The following FHIT variants were observed in gnomAD, a reference collection of about 807,000 sequenced individuals.
FHIT encodes the protein fragile histidine triad diadenosine triphosphatase.
In FHIT, 19 loss-of-function variants were observed where a neutral mutation model predicts 17.9. The ratio of observed to expected loss-of-function variants is 1.06; its 90% CI spans 0.74 to 1.56. The LOEUF (loss-of-function observed/expected upper bound fraction) is 1.56, where lower values mean the gene tolerates loss of function less well. Among genes scored for constraint, FHIT ranks in the 40% most tolerant of loss-of-function variants. The pLI is 0.00. For synonymous variants in FHIT, 81 were observed against 69.7 expected, an observed-to-expected ratio of 1.16 and a Z score of -0.81; for missense variants, 248 against 189.2, an observed-to-expected ratio of 1.31 and a Z score of -1.82.
intron 5 of FHIT, among the ~76,000 whole-genome samples, chr3:60,377,471 T>G (rs1386325867): frequency 1.0e-5 from 1 of 98,318 alleles, no homozygotes; most frequent in East Asian, 2.7e-4. Context: ...ATTCTTTTTT[T>G]TTTTTTTTTT....
chr3:60,689,318 C>T (rs1184213515), intron 4 of FHIT, among the ~76,000 whole-genome samples: 2 of 151,964 alleles, frequency 1.3e-5, no homozygotes, highest in African/African-American at 4.8e-5. Flanking sequence ...AGGACTAATA[C>T]ACTCAGGAAA....
intron 4 of FHIT, among the ~76,000 whole-genome samples, chr3:60,763,277 T>C (rs1311240354): frequency 6.6e-6 from 1 of 152,154 alleles, no homozygotes; most frequent in Non-Finnish European, 1.5e-5. Context: ...CGACTGTAAG[T>C]CTGTTATGAT....
intron 8 of FHIT, among the ~76,000 whole-genome samples, chr3:59,892,389 A>G (rs1278233034): frequency 2.0e-5 from 3 of 152,226 alleles, no homozygotes; most frequent in Non-Finnish European, 4.4e-5. Flanking sequence ...AATAACCATC[A>G]ACAAAGCATT....
At chr3:60,368,835 T>C (rs1700212107) in intron 5 of FHIT, among the ~76,000 whole-genome samples, 2 of 152,172 alleles carry the variant, frequency 1.3e-5, no homozygotes, top group African/African-American at 2.4e-5. Flanking sequence ...CATCTCAAAA[T>C]AGTTCTTTTT....
Position 60,094,437 on chromosome 3 carries a change from G to A in FHIT, c.104-80285C>T, listed in dbSNP as rs181917492. On this transcript the variant is annotated intron_variant, in intron 5 of 9. Coordinates refer to ENST00000492590, the MANE Select transcript of FHIT (RefSeq NM_002012.4). Reference sequence around the variant, plus strand: ...ACCGGCACCTATTTTTGTATCACCTGGAAAAAAAAAATGCCCACATAGGCA... The same window carrying A: ...ACCGGCACCTATTTTTGTATCACCTAGAAAAAAAAAATGCCCACATAGGCA... Among the ~76,000 whole-genome samples, 41 of 128,502 alleles carry A rather than the reference G, an allele frequency of 3.2e-4. No individual in the cohort carries two copies. The East Asian group carries it at 3.2e-3, about 10-fold the overall frequency. The allele number at this position is 128,502 out of a possible 152,430, so 84.3% of individuals were successfully genotyped here.
rs1427241138 is a variant in FHIT, at chr3:59,963,366, G to A, written c.280-40952C>T. On this transcript the variant is annotated intron_variant, in intron 7 of 9. Transcript: ENST00000492590. The stretch of plus-strand genomic sequence containing the variant: ...ATTGAGTCGAAAACTCATGGCTCAA[G>A]TTCATTTAAAGTCCAAGTCTGAATT... 3.3e-5 allele frequency among the ~76,000 whole-genome samples: 5 copies of A among 152,212 alleles called. No homozygotes were observed. In the East Asian group the frequency reaches 9.6e-4, roughly 29 times the overall value.
intron 5 of FHIT, among the ~76,000 whole-genome samples, chr3:60,449,500 G>T (rs984542064): frequency 6.6e-6 from 1 of 151,936 alleles, no homozygotes; most frequent in African/African-American, 2.4e-5. Flanking sequence ...GAAATGCATT[G>T]TTAGGCTATT....
At position 61,177,771 on chromosome 3, in the gene FHIT, TAGAAAACAGATCAGC is replaced by T. The variant is rs1345672954; in HGVS notation, c.-164+22831_-164+22845del. Among the ~76,000 whole-genome samples, 3 of 152,150 alleles carry T rather than the reference TAGAAAACAGATCAGC, an allele frequency of 2.0e-5. No homozygotes were observed. The South Asian group carries it at 6.2e-4, about 32-fold the overall frequency. ...CAAAACAACCCCGGCCAAAAATTAT[TAGAAAACAGATCAGC>T]AGCCCCACTGGACTCTGAAGCAATG... On this transcript the variant is annotated intron_variant, in intron 2 of 9. Coordinates refer to ENST00000492590, the MANE Select transcript of FHIT (RefSeq NM_002012.4).
intron 3 of FHIT, among the ~76,000 whole-genome samples, chr3:60,950,803 G>A (rs1479963867): frequency 3.3e-5 from 5 of 151,598 alleles, no homozygotes; most frequent in African/African-American, 9.7e-5. Context: ...GATTACAGGC[G>A]TGAGCCACCA....
chr3:60,599,260 T>C (rs576089577), intron 4 of FHIT, among the ~76,000 whole-genome samples: 161 of 152,274 alleles, frequency 1.1e-3, no homozygotes, highest in African/African-American at 3.6e-3. Context: ...CAAACTCATT[T>C]AAAAATATAC....
intron 1 of FHIT, among the ~76,000 whole-genome samples, chr3:61,230,172 G>C (rs1044193014): frequency 3.3e-5 from 5 of 152,194 alleles, no homozygotes; most frequent in African/African-American, 1.2e-4. Flanking sequence ...TTGGGTATTT[G>C]TCCCCCCAAA....
intron 5 of FHIT, among the ~76,000 whole-genome samples, chr3:60,450,893 G>C (rs767245066): frequency 6.6e-6 from 1 of 152,126 alleles, no homozygotes; most frequent in Non-Finnish European, 1.5e-5. Context: ...GGTCCATATA[G>C]AGAATAAATA....
intron 8 of FHIT, among the ~76,000 whole-genome samples, chr3:59,819,809 G>A (rs1700726750): frequency 6.6e-6 from 1 of 152,220 alleles, no homozygotes; most frequent in Admixed American, 6.5e-5. Flanking sequence ...CAATGTGACA[G>A]TATTAAGAGG....
chr3:60,658,961 CT>C (rs34800096), intron 4 of FHIT, among the ~76,000 whole-genome samples: 3,234 of 137,972 alleles, frequency 0.023, 109 homozygotes, highest in African/African-American at 0.068. Context: ...ACTTCCTCAG[CT>C]TTTTTTTTTT....
intron 8 of FHIT, among the ~76,000 whole-genome samples, chr3:59,808,136 A>G (rs1458230897): frequency 2.0e-5 from 3 of 152,118 alleles, no homozygotes; most frequent in Admixed American, 6.5e-5. Flanking sequence ...TTCTGTCTCT[A>G]TCAATTTGCC....
At chr3:61,158,881 A>C (rs957365635) in intron 2 of FHIT, among the ~76,000 whole-genome samples, 1 of 152,224 alleles carries the variant, frequency 6.6e-6, no homozygotes, top group Non-Finnish European at 1.5e-5. Flanking sequence ...AAACTCTAGC[A>C]GTCCATTAGA....
chr3:60,150,159 G>A (rs781242830), intron 5 of FHIT, among the ~76,000 whole-genome samples: 36 of 151,622 alleles, frequency 2.4e-4, no homozygotes, highest in African/African-American at 5.8e-4. Flanking sequence ...CCCCACGCCC[G>A]GCTCATTTTG....
intron 5 of FHIT, among the ~76,000 whole-genome samples, chr3:60,116,100 C>G (rs7634622): frequency 0.5 from 76,284 of 151,870 alleles, 19,781 homozygotes; most frequent in African/African-American, 0.6. Flanking sequence ...TTAGCGTTAA[C>G]TATAGACTAG....
At chr3:60,940,778 C>G (rs1327893603) in intron 3 of FHIT, among the ~76,000 whole-genome samples, 1 of 152,168 alleles carries the variant, frequency 6.6e-6, no homozygotes, top group Non-Finnish European at 1.5e-5. Flanking sequence ...TAAAGCAGTG[C>G]TTCACAAACT....
Sources: gnomAD v4.1 joint callset for allele counts (sites outside exome capture counted in the v4.1 genomes callset) on GRCh38, gnomAD v4.1.1 for gene constraint, MANE v1.5 for transcripts, NCBI Gene and HGNC (gene_info 2026-07-23, HGNC 2026-07-21) for gene names.